Variants in KDM3A observed in about 807,000 individuals in gnomAD.
KDM3A encodes the protein lysine-specific demethylase 3A.
A neutral mutation model predicts 158.0 loss-of-function variants in KDM3A; 60 were observed. The ratio of observed to expected loss-of-function variants is 0.38; its 90% CI spans 0.31 to 0.47. The LOEUF (loss-of-function observed/expected upper bound fraction) is 0.47, where lower values mean the gene tolerates loss of function less well. Among genes scored for constraint, KDM3A ranks in the 20% least tolerant of loss-of-function variants. KDM3A has a pLI of 0.99. For missense variants in KDM3A, 1,319 were observed against 1,574.3 expected, an observed-to-expected ratio of 0.84 and a Z score of 2.74; for synonymous variants, 608 against 549.3, an observed-to-expected ratio of 1.11 and a Z score of -1.49.
rs1673344877 is a variant in KDM3A, at chr2:86,470,315, C to G, written c.1631C>G (p.Pro544Arg). The change falls in exon 11 of 26, where the codon CCT (proline) becomes CGT (arginine). Residue 544 changes from proline (P) to arginine (R), a missense_variant. By Grantham distance (103) the Pro-to-Arg change is moderately radical. Coordinates refer to ENST00000312912, the MANE Select transcript of KDM3A (RefSeq NM_018433.6). ...DSCVNIVAQL[P>R]KCRECRLDSL... is the part of the protein sequence containing the mutation. ...TGTGTGAACATCGTGGCACAGTTGC[C>G]TAAATGCCGAGAGTGTCGCTTGGAC... is the stretch of plus-strand genomic sequence containing the variant. 2 of 1,614,108 alleles carry G rather than the reference C, an allele frequency of 1.2e-6. No individual in the cohort carries two copies. The highest frequency in any genetic ancestry group is 2.2e-5 in the South Asian group (2 of 91,082).
Position 86,491,478 on chromosome 2 carries a change from A to G in KDM3A, c.3885+203A>G, listed in dbSNP as rs1674452467. On this transcript the variant is annotated intron_variant, in intron 25 of 25. Coordinates refer to ENST00000312912, the MANE Select transcript of KDM3A (RefSeq NM_018433.6). ...AAATCTCACCTTGGTTTGATTTGAT[A>G]TTGTTTAGAATCTATAAGGGACTGT... 1.6e-5 allele frequency: 9 copies of G among 577,910 alleles called. No individual in the cohort carries two copies. The South Asian group carries it at 1.9e-4, about 12-fold the overall frequency. The allele number at this position is 577,910 out of a possible 1,614,324, so 35.8% of individuals were successfully genotyped here.
upstream of KDM3A, among the ~76,000 whole-genome samples, chr2:86,438,463 A>T (rs1433303063): frequency 6.6e-6 from 1 of 152,060 alleles, no homozygotes; most frequent in East Asian, 1.9e-4. Flanking sequence ...AATATATTGT[A>T]TATTTGAAAA....
intron 9 of KDM3A, 125 bp from the exon 10 acceptor site, chr2:86,466,247 C>A: frequency 1.0e-6 from 1 of 952,680 alleles, no homozygotes; most frequent in South Asian, 1.8e-5. Flanking sequence ...AATTCTGTAA[C>A]ATATGAGAAA....
chr2:86,466,174 T>G lies in KDM3A; in HGVS notation c.1008-198T>G, dbSNP rs573056444. Among the ~76,000 whole-genome samples the G allele has an allele frequency of 3.4e-5, 5 of 148,356 alleles. No individual in the cohort carries two copies. In the East Asian group the frequency reaches 7.7e-4, roughly 23 times the overall value. ...TTTAGGGTTGTATTTTTCTGAGTGT[T>G]TATGATTTTTGCAGAACCATTGACT... On this transcript the variant is annotated intron_variant, in intron 9 of 25. Coordinates refer to ENST00000312912, the MANE Select transcript of KDM3A (RefSeq NM_018433.6).
In KDM3A at chr2:86,456,887, G is replaced by A. The variant is rs781500855; in HGVS notation, c.754+10G>A. 6.2e-7 allele frequency: 1 copy of A among 1,602,772 alleles called. No homozygotes were observed. The highest frequency in any genetic ancestry group is 2.2e-5 in the East Asian group (1 of 44,712). Reference sequence around the variant, plus strand: ...AACCTTGTGACATGTGGTAAGATATGTTATTAAAATCTTTCTTCTCCTTCC... The same window carrying A: ...AACCTTGTGACATGTGGTAAGATATATTATTAAAATCTTTCTTCTCCTTCC... On this transcript the variant is annotated intron_variant, in intron 7 of 25. Coordinates refer to ENST00000312912, the MANE Select transcript of KDM3A (RefSeq NM_018433.6).
At position 86,491,709 on chromosome 2, in the gene KDM3A, G is replaced by A. The variant is rs748238880; in HGVS notation, c.3886-330G>A. On this transcript the variant is annotated intron_variant, in intron 25 of 25. Coordinates refer to ENST00000312912, the MANE Select transcript of KDM3A (RefSeq NM_018433.6). ...CAAAAGGATTTCAGTAATGAATTAT[G>A]TAACATAATTTCATGTTTGGAAAAT... 57 of 333,690 alleles carry A rather than the reference G, an allele frequency of 1.7e-4. 1 individual carries two copies. Among genetic ancestry groups the A allele is most frequent in the Admixed American group, 2.7e-4 (6 of 22,352 alleles). 20.7% of individuals were successfully genotyped at this position (333,690 alleles called of 1,614,324 possible).
intron 21 of KDM3A, 60 bp from the exon 22 acceptor site, chr2:86,489,258 G>A: frequency 3.2e-6 from 5 of 1,575,594 alleles, no homozygotes; most frequent in Non-Finnish European, 3.4e-6. Context: ...GGTAGGTAGT[G>A]GAAAGACTGT....
intron 8 of KDM3A, among the ~76,000 whole-genome samples, chr2:86,457,952 C>T (rs932997264): frequency 2.6e-5 from 4 of 152,238 alleles, no homozygotes; most frequent in Admixed American, 2.0e-4. Flanking sequence ...ATCATTAGGA[C>T]CTATTCCAAT....
At chr2:86,473,726 G>C (rs1393421368) in intron 11 of KDM3A, among the ~76,000 whole-genome samples, 1 of 152,154 alleles carries the variant, frequency 6.6e-6, no homozygotes, top group Non-Finnish European at 1.5e-5. Flanking sequence ...TCCAGCCTGG[G>C]CATTGGAGTG....
chr2:86,457,046 C>T lies in KDM3A; in HGVS notation c.818C>T (p.Ser273Phe). 1 of 1,591,846 alleles carries T rather than the reference C, an allele frequency of 6.3e-7. No homozygotes were observed. Among genetic ancestry groups the T allele is most frequent in the Non-Finnish European group, 8.6e-7 (1 of 1,166,036 alleles). The change falls in exon 8 of 26, where the codon TCC (serine) becomes TTC (phenylalanine). Residue 273 changes from serine (S) to phenylalanine (F), a missense_variant. This residue lies in a region of KDM3A where 652 missense variants were observed against 627.2 expected (regional missense o/e 1.04). Transcript: ENST00000312912. ...TCTGAGAATAATGGAACCCTGGTTTCCAAACAAGCAAAATCTTGCTCTGAG... is the reference window on the plus strand; with the variant it reads ...TCTGAGAATAATGGAACCCTGGTTTTCAAACAAGCAAAATCTTGCTCTGAG... ...KSSENNGTLV[S>F]KQAKSCSEAS...
chr2:86,437,262 C>G (rs1682507842), upstream of KDM3A, among the ~76,000 whole-genome samples: 1 of 151,902 alleles, frequency 6.6e-6, no homozygotes, highest in African/African-American at 2.4e-5. Context: ...ATTCTTCTGT[C>G]TCAGCCTCCC....
At chr2:86,444,212 G>T (rs988012561) in intron 2 of KDM3A, among the ~76,000 whole-genome samples, 1 of 152,180 alleles carries the variant, frequency 6.6e-6, no homozygotes, top group African/African-American at 2.4e-5. Flanking sequence ...GTCCAGATTT[G>T]CATAATTAGC....
intron 2 of KDM3A, among the ~76,000 whole-genome samples, chr2:86,443,782 CAGGTTTTGATGTTTATAGAG>C (rs1458923831): frequency 6.6e-6 from 1 of 152,180 alleles, no homozygotes; most frequent in Non-Finnish European, 1.5e-5. Flanking sequence ...CCTGCCAAAT[CAGGTTTTGATGTTTATAGAG>C]ATAATATATT....
chr2:86,490,226 T>C (rs1674389846), intron 23 of KDM3A: 1 of 152,580 alleles, frequency 6.6e-6, no homozygotes, highest in Non-Finnish European at 1.5e-5. Context: ...AGTTTTAAAA[T>C]TGTTTGGCAC....
intron 2 of KDM3A, among the ~76,000 whole-genome samples, chr2:86,444,693 A>G (rs1682884201): frequency 6.6e-6 from 1 of 152,166 alleles, no homozygotes; most frequent in South Asian, 2.1e-4. Flanking sequence ...ATGAATGTCA[A>G]TAAATAACAT....
intron 2 of KDM3A, among the ~76,000 whole-genome samples, chr2:86,446,236 A>G (rs144363776): frequency 6.6e-6 from 1 of 152,356 alleles, no homozygotes; most frequent in Admixed American, 6.5e-5. Context: ...AGATTTCACA[A>G]TTATAGGTAG....
At position 86,478,694 on chromosome 2, in the gene KDM3A, A is replaced by C. The variant is rs758314709; in HGVS notation, c.2275A>C (p.Lys759Gln). Residue 759 changes from lysine (K) to glutamine (Q), a missense_variant, in exon 15 of 26, where the codon AAA (lysine) becomes CAA (glutamine). By Grantham distance (53) the Lys-to-Gln change is moderately conservative. Transcript: ENST00000312912. ...CTGCCCTTGTTCAAACAGGCAATTC[A>C]AACTCTTTTCAAAGCCAGCCTCAAA... ...ANCPCSNRQF[K>Q]LFSKPASKED... 1 of 1,614,130 alleles carries C rather than the reference A, an allele frequency of 6.2e-7. No homozygotes were observed. The highest frequency in any genetic ancestry group is 8.5e-7 in the Non-Finnish European group (1 of 1,179,966).
chr2:86,482,621 G>T lies in KDM3A; in HGVS notation c.2849G>T (p.Arg950Leu). 2 of 1,613,942 alleles carry T rather than the reference G, an allele frequency of 1.2e-6. No homozygotes were observed. Among genetic ancestry groups the T allele is most frequent in the Non-Finnish European group, 1.7e-6 (2 of 1,179,976 alleles). ...CCTCACTATTGGCTTTGTGATAATC[G>T]CTTGCTGTGCTTGCAAGACCCCAAC... is the stretch of plus-strand genomic sequence containing the variant. Reference protein sequence around the residue: ...DTPHYWLCDNRLLCLQDPNNK... With the variant: ...DTPHYWLCDNLLLCLQDPNNK... Residue 950 changes from arginine to leucine, a missense_variant, in exon 18 of 26, where the codon CGC becomes CTC. By Grantham distance (102) the Arg-to-Leu change is moderately radical. Coordinates refer to ENST00000312912, the MANE Select transcript of KDM3A (RefSeq NM_018433.6).
In KDM3A at chr2:86,451,105, G is replaced by T. The variant is rs746865942; in HGVS notation, c.345G>T (p.Thr115=). 6.3e-7 allele frequency: 1 copy of T among 1,597,134 alleles called. No homozygotes were observed. The highest frequency in any genetic ancestry group is 8.5e-7 in the Non-Finnish European group (1 of 1,173,348). The stretch of plus-strand genomic sequence containing the variant: ...TAAAGTGTTTTCTTTTGTTTTAGAC[G>T]TACAAACCTCTGTTGGACAAAGCTG... The part of the protein sequence containing the change: ...SERIVQWPAI[T]YKPLLDKAGL... The change falls in exon 4 of 26, where the codon ACG becomes ACT. Residue 115 remains threonine, a splice_region_variant and synonymous_variant. Coordinates refer to ENST00000312912, the MANE Select transcript of KDM3A (RefSeq NM_018433.6).
Sources: gnomAD v4.1 joint callset for allele counts (sites outside exome capture counted in the v4.1 genomes callset) on GRCh38, gnomAD v4.1.1 for gene constraint, gnomAD v4.1.1 regional missense constraint, MANE v1.5 for transcripts, NCBI Gene and HGNC (gene_info 2026-07-23, HGNC 2026-07-21) for gene names.